The following CHD9 variants were observed in gnomAD, a reference collection of about 807,000 sequenced individuals.
CHD9 encodes the protein chromodomain helicase DNA binding protein 9.
Under a neutral mutation model 316.1 loss-of-function variants are expected in CHD9, and 77 were observed. The ratio of observed to expected loss-of-function variants is 0.24; its 90% CI spans 0.20 to 0.29. CHD9 has a LOEUF of 0.29. Ranked by LOEUF, CHD9 falls within the 10% of genes least tolerant of loss-of-function variation. The pLI is 1.00. For missense variants in CHD9, 2,763 were observed against 3,438.1 expected, an observed-to-expected ratio of 0.80 and a Z score of 4.91; for synonymous variants, 1,129 against 1,158.3, an observed-to-expected ratio of 0.97 and a Z score of 0.51.
At chr16:53,138,573 T>G (rs1010171833) in intron 1 of CHD9, among the ~76,000 whole-genome samples, 1 of 152,224 alleles carries the variant, frequency 6.6e-6, no homozygotes, top group Non-Finnish European at 1.5e-5. Flanking sequence ...CAGAAGATTC[T>G]TAAAGCACTC....
intron 2 of CHD9, among the ~76,000 whole-genome samples, chr16:53,206,357 G>T (rs199881084): frequency 4.7e-5 from 6 of 128,074 alleles, no homozygotes; most frequent in Non-Finnish European, 9.9e-5. Context: ...AAAGGGCACC[G>T]GGAAAAAAAA....
At chr16:53,104,055 T>C (rs927012363) in intron 1 of CHD9, among the ~76,000 whole-genome samples, 4 of 152,334 alleles carry the variant, frequency 2.6e-5, no homozygotes, top group African/African-American at 9.6e-5. Flanking sequence ...ATACCTGGTT[T>C]GCTCTGGTCG....
In CHD9 at chr16:53,146,419, G is replaced by GTATATATATATATATA. The variant is rs757165644; in HGVS notation, c.-164-9504_-164-9489dup. ...AAAAAAAAATTGTGTGTGTGTGTAT[G>GTATATATATATATATA]TATATATATATATATATAATTAAAA... On this transcript the variant is annotated intron_variant, in intron 1 of 38. Coordinates refer to ENST00000447540, the MANE Select transcript of CHD9 (RefSeq NM_001308319.2). Among the ~76,000 whole-genome samples the GTATATATATATATATA allele has an allele frequency of 7.3e-4, 56 of 76,702 alleles. 3 individuals are homozygous for GTATATATATATATATA. The South Asian group carries it at 7.6e-3, about 10-fold the overall frequency. The allele number at this position is 76,702 out of a possible 152,430, so 50.3% of individuals were successfully genotyped here.
rs535069236 is a variant in CHD9 at position 53,203,893 on chromosome 16, G to A, written c.1453-5589G>A. 7.9e-5 allele frequency among the ~76,000 whole-genome samples: 12 copies of A among 150,980 alleles called. No individual in the cohort carries two copies. The East Asian group carries it at 2.3e-3, about 30-fold the overall frequency. On this transcript the variant is annotated intron_variant, in intron 2 of 38. Coordinates refer to ENST00000447540, the MANE Select transcript of CHD9 (RefSeq NM_001308319.2). ...AAAAAAATTAGCCGGGCGTGGTGGC[G>A]GGCGCCTGTAGTCCCAGCTACTCGT...
At chr16:53,162,944 T>A (rs2042020722) in intron 2 of CHD9, among the ~76,000 whole-genome samples, 1 of 151,910 alleles carries the variant, frequency 6.6e-6, no homozygotes, top group African/African-American at 2.4e-5. Flanking sequence ...TAACTTTTTT[T>A]ATTTTTTGTG....
At chr16:53,251,098 A>G (rs1007122159) in intron 17 of CHD9, among the ~76,000 whole-genome samples, 1 of 152,234 alleles carries the variant, frequency 6.6e-6, no homozygotes, top group African/African-American at 2.4e-5. Context: ...TTTCTGTGGA[A>G]GGCTCAATTA....
At chr16:53,263,343 T>C (rs556823141) in intron 20 of CHD9, among the ~76,000 whole-genome samples, 1 of 152,166 alleles carries the variant, frequency 6.6e-6, no homozygotes, top group Non-Finnish European at 1.5e-5. Flanking sequence ...CTTAAAATTA[T>C]AATATGTTTT....
At chr16:53,274,541 C>T (rs1439214178) in intron 24 of CHD9, among the ~76,000 whole-genome samples, 5 of 152,116 alleles carry the variant, frequency 3.3e-5, no homozygotes, top group African/African-American at 1.2e-4. Context: ...CTGCAACCTC[C>T]GCCTCCTGGG....
chr16:53,208,435 T>C, intron 2 of CHD9: 1 of 1,224,716 alleles, frequency 8.2e-7, no homozygotes, highest in Non-Finnish European at 1.0e-6. Flanking sequence ...TATTACTGGC[T>C]GCTGCTACGG....
chr16:53,137,240 G>A (rs2039788093), intron 1 of CHD9, among the ~76,000 whole-genome samples: 1 of 152,068 alleles, frequency 6.6e-6, no homozygotes, highest in Non-Finnish European at 1.5e-5. Context: ...CCAAAGTGTT[G>A]GGATTACAGG....
intron 2 of CHD9, among the ~76,000 whole-genome samples, chr16:53,160,206 T>C (rs1367907584): frequency 6.6e-6 from 1 of 152,250 alleles, no homozygotes; most frequent in East Asian, 1.9e-4. Flanking sequence ...TTATGAGAGC[T>C]TATTGATTTA....
At chr16:53,106,224 C>T (rs1226037731) in intron 1 of CHD9, among the ~76,000 whole-genome samples, 2 of 152,190 alleles carry the variant, frequency 1.3e-5, no homozygotes, top group African/African-American at 4.8e-5. Flanking sequence ...TAGTTCAATA[C>T]AAATGGCATA....
chr16:53,235,668 T>C (rs995508100), intron 11 of CHD9, among the ~76,000 whole-genome samples: 2 of 152,148 alleles, frequency 1.3e-5, no homozygotes, highest in East Asian at 1.9e-4. Context: ...GGTATACTTA[T>C]AGGAATTAAA....
intron 20 of CHD9, among the ~76,000 whole-genome samples, chr16:53,266,548 G>C (rs983508680): frequency 2.0e-5 from 3 of 152,044 alleles, no homozygotes; most frequent in Non-Finnish European, 4.4e-5. Context: ...CATTTTCTCT[G>C]ACTGTGATAC....
At chr16:53,284,977 G>A (rs543845227) in intron 24 of CHD9, among the ~76,000 whole-genome samples, 76 of 152,156 alleles carry the variant, frequency 5.0e-4, no homozygotes, top group Middle Eastern at 3.4e-3. Context: ...ACGTTGCCCA[G>A]GCTGGTCTTG....
rs952153760 is a variant in CHD9 at position 53,157,122 on chromosome 16, C to T, written c.1033C>T (p.Pro345Ser). Residue 345 changes from proline (P) to serine (S), a missense_variant, in exon 2 of 39, where the codon CCT (proline) becomes TCT (serine). Transcript: ENST00000447540. The stretch of plus-strand genomic sequence containing the variant: ...TTTCCAAATATTGCATTCATCACAT[C>T]CTCAGGGTAATTATAGCAATTCAAA... ...NNFQILHSSH[P>S]QGNYSNSKLS... 2 of 1,610,682 alleles carry T rather than the reference C, an allele frequency of 1.2e-6. No homozygotes were observed. The highest frequency in any genetic ancestry group is 1.3e-5 in the African/African-American group (1 of 75,024).
At chr16:53,285,290 A>G (rs2053770884) in intron 24 of CHD9, among the ~76,000 whole-genome samples, 1 of 152,200 alleles carries the variant, frequency 6.6e-6, no homozygotes, top group Non-Finnish European at 1.5e-5. Context: ...CTCTACTTCC[A>G]ATAGAACCCT....
intron 28 of CHD9, among the ~76,000 whole-genome samples, chr16:53,292,167 T>C (rs189881099): frequency 5.3e-5 from 8 of 152,314 alleles, no homozygotes; most frequent in Admixed American, 2.6e-4. Context: ...CCTTCTGATA[T>C]CAAGATAGAA....
chr16:53,101,173 T>C (rs2036842784), intron 1 of CHD9, among the ~76,000 whole-genome samples: 1 of 152,178 alleles, frequency 6.6e-6, no homozygotes, highest in African/African-American at 2.4e-5. Flanking sequence ...TACATCATCT[T>C]ATTCCTTTAT....
Sources: gnomAD v4.1 joint callset for allele counts (sites outside exome capture counted in the v4.1 genomes callset) on GRCh38, gnomAD v4.1.1 for gene constraint, MANE v1.5 for transcripts, NCBI Gene and HGNC (gene_info 2026-07-23, HGNC 2026-07-21) for gene names.